The following CEP63 variants were observed in gnomAD, a reference collection of about 807,000 sequenced individuals.
CEP63 encodes centrosomal protein 63.
A neutral mutation model predicts 89.1 loss-of-function variants in CEP63; 84 were observed. The ratio of observed to expected loss-of-function variants is 0.94; its 90% CI spans 0.79 to 1.13. CEP63 has a LOEUF of 1.13. Among genes scored for constraint, CEP63 ranks in the 50% most tolerant of loss-of-function variants. The pLI, the probability that CEP63 is intolerant of heterozygous loss-of-function variation, is 0.00. For missense variants in CEP63, 838 were observed against 813.3 expected (o/e 1.03, Z -0.37); for synonymous variants, 267 against 272.5 (o/e 0.98, Z 0.20).
the CEP63 span, among the ~76,000 whole-genome samples, chr3:134,612,751 C>CTGTGTGTG: frequency 0.17 from 21,540 of 125,264 alleles, 2,205 homozygotes; most frequent in Non-Finnish European, 0.2. Flanking sequence ...CACGCCGATG[C>CTGTGTGTG]TGTGTGTGTG....
At chr3:134,774,077 C>T in the CEP63 span, among the ~76,000 whole-genome samples, 2 of 152,270 alleles carry the variant, frequency 1.3e-5, no homozygotes, top group African/African-American at 4.8e-5. Flanking sequence ...AGAGGCTTTC[C>T]TGGGGGTGGA....
chr3:134,539,631 T>C (rs1951578551), intron 6 of CEP63, among the ~76,000 whole-genome samples: 1 of 152,144 alleles, frequency 6.6e-6, no homozygotes, highest in South Asian at 2.1e-4. Flanking sequence ...TGGGTCACCA[T>C]TGAACAATGA....
chr3:134,715,480 GT>G, the CEP63 span, among the ~76,000 whole-genome samples: 1 of 151,746 alleles, frequency 6.6e-6, no homozygotes, highest in East Asian at 1.9e-4. Flanking sequence ...TGCAGGGATG[GT>G]GTTGATGCCA....
At chr3:134,714,298 T>C in the CEP63 span, among the ~76,000 whole-genome samples, 1 of 152,324 alleles carries the variant, frequency 6.6e-6, no homozygotes, top group African/African-American at 2.4e-5. Context: ...GTGTCTTTTT[T>C]AAATATAAAA....
At chr3:134,778,840 G>A in the CEP63 span, among the ~76,000 whole-genome samples, 2 of 152,186 alleles carry the variant, frequency 1.3e-5, no homozygotes, top group Admixed American at 6.5e-5. Context: ...GATTACAGGC[G>A]TGAGCCACCG....
the CEP63 span, chr3:134,650,701 G>A: frequency 2.2e-6 from 2 of 894,112 alleles, no homozygotes; most frequent in Non-Finnish European, 3.2e-6. Context: ...GCAGCCATGG[G>A]GGAGAGGGTC....
the CEP63 span, among the ~76,000 whole-genome samples, chr3:134,744,812 C>T: frequency 6.6e-6 from 1 of 152,194 alleles, no homozygotes; most frequent in African/African-American, 2.4e-5. Context: ...GCCACCTTGC[C>T]TGGCCTACTT....
the CEP63 span, among the ~76,000 whole-genome samples, chr3:134,728,689 G>A: frequency 6.6e-6 from 1 of 152,124 alleles, no homozygotes; most frequent in African/African-American, 2.4e-5. Context: ...AAGTTGCAAA[G>A]GATGCTTTTG....
At chr3:134,707,356 C>T in the CEP63 span, among the ~76,000 whole-genome samples, 1 of 152,160 alleles carries the variant, frequency 6.6e-6, no homozygotes, top group Non-Finnish European at 1.5e-5. Flanking sequence ...AGGCCTGATA[C>T]ATAGCTGAGT....
At chr3:134,524,117 T>C (rs1948122506) in intron 3 of CEP63, among the ~76,000 whole-genome samples, 1 of 152,156 alleles carries the variant, frequency 6.6e-6, no homozygotes, top group African/African-American at 2.4e-5. Context: ...TGGTTAGCTA[T>C]ATTCCTGGGT....
intron 3 of CEP63, among the ~76,000 whole-genome samples, chr3:134,523,049 C>G (rs1442586255): frequency 2.6e-5 from 4 of 152,172 alleles, no homozygotes; most frequent in African/African-American, 9.7e-5. Context: ...TTCTCTGCAA[C>G]CTTGCCAGCA....
chr3:134,742,659 AAC>A, the CEP63 span, among the ~76,000 whole-genome samples: 1 of 152,222 alleles, frequency 6.6e-6, no homozygotes, highest in African/African-American at 2.4e-5. Context: ...TTGTCAATGT[AAC>A]AGTGTTGGAA....
rs150980942 is a variant in CEP63 at position 134,531,553 on chromosome 3, G to A, written c.223-292G>A. 0.019 allele frequency among the ~76,000 whole-genome samples: 2,825 copies of A among 152,232 alleles called. 53 individuals carry two copies. The highest frequency in any genetic ancestry group is 0.048 in the Middle Eastern group (14 of 294). The stretch of plus-strand genomic sequence containing the variant: ...GCCAAGATTGCACCACTGCACTCCA[G>A]CCTGGGCGAGAGTGAGACTCCCATC... On this transcript the variant is annotated intron_variant, in intron 3 of 14. Coordinates refer to ENST00000675561, the MANE Select transcript of CEP63 (RefSeq NM_001353108.3).
chr3:134,729,336 A>T, the CEP63 span, among the ~76,000 whole-genome samples: 1 of 152,208 alleles, frequency 6.6e-6, no homozygotes, highest in Non-Finnish European at 1.5e-5. Flanking sequence ...CCTTTCTTAT[A>T]CAAAAGGTAG....
At chr3:134,603,616 T>C in the CEP63 span, 3 of 1,597,230 alleles carry the variant, frequency 1.9e-6, no homozygotes, top group African/African-American at 1.3e-5. Context: ...GATGTAGGAG[T>C]AGAAATTGTG....
the CEP63 span, among the ~76,000 whole-genome samples, chr3:134,618,846 C>T: frequency 6.6e-6 from 1 of 152,222 alleles, no homozygotes; most frequent in Admixed American, 6.5e-5. Context: ...GCCTGCCATT[C>T]TTTTAACCTT....
At chr3:134,540,119 C>T (rs1175699594) in intron 6 of CEP63, among the ~76,000 whole-genome samples, 5 of 152,060 alleles carry the variant, frequency 3.3e-5, no homozygotes, top group Admixed American at 3.3e-4. Context: ...ATCTTACTCT[C>T]TCTATATTTG....
chr3:134,608,524 T>C, the CEP63 span: 3 of 1,586,990 alleles, frequency 1.9e-6, no homozygotes, highest in Non-Finnish European at 2.6e-6. Flanking sequence ...AGCTTTGTGC[T>C]AAGCTCACAA....
the CEP63 span, among the ~76,000 whole-genome samples, chr3:134,714,394 A>G: frequency 6.6e-6 from 1 of 152,146 alleles, no homozygotes; most frequent in Admixed American, 6.5e-5. Flanking sequence ...TGCACCCATC[A>G]CTCAGCTTCA....
Sources: allele counts gnomAD v4.1 joint callset (sites outside exome capture counted in the v4.1 genomes callset), GRCh38; gene constraint gnomAD v4.1.1; transcripts MANE v1.5; gene names NCBI Gene and HGNC (gene_info 2026-07-23, HGNC 2026-07-21).